Variants in AGTPBP1 observed in about 807,000 individuals in gnomAD.
AGTPBP1 encodes the protein ATP/GTP binding carboxypeptidase 1.
In AGTPBP1, 70 loss-of-function variants were observed where a neutral mutation model predicts 143.9. The observed-to-expected ratio is 0.49, with a 90% CI of 0.40 to 0.59. AGTPBP1 has a LOEUF of 0.59. Among genes scored for constraint, AGTPBP1 ranks in the 20% least tolerant of loss-of-function variants. AGTPBP1 has a pLI of 0.00. For missense variants in AGTPBP1, 1,229 were observed against 1,464.5 expected (o/e 0.84, Z 2.62); for synonymous variants, 463 against 500.2 (o/e 0.93, Z 0.99).
intron 4 of AGTPBP1, among the ~76,000 whole-genome samples, chr9:85,680,149 C>A (rs994327288): frequency 6.6e-6 from 1 of 152,176 alleles, no homozygotes; most frequent in Admixed American, 6.5e-5. Flanking sequence ...ATTACTCATG[C>A]ATAATTTCCA....
chr9:85,759,643 G>A, the AGTPBP1 span, among the ~76,000 whole-genome samples: 1 of 152,096 alleles, frequency 6.6e-6, no homozygotes, highest in Non-Finnish European at 1.5e-5. Context: ...GAAATTTACA[G>A]CACTAAATGC....
At chr9:85,603,900 A>G (rs11141033) in intron 17 of AGTPBP1, among the ~76,000 whole-genome samples, 29,308 of 151,810 alleles carry the variant, frequency 0.19, 3,661 homozygotes, top group South Asian at 0.34. Context: ...ACTCTTCTGC[A>G]TGAAAAAAAG....
At chr9:85,588,509 T>A in intron 20 of AGTPBP1, 31 bp from the exon 21 acceptor site, 1 of 1,597,070 alleles carries the variant, frequency 6.3e-7, no homozygotes, top group Non-Finnish European at 8.5e-7. Context: ...CAAATTAAAA[T>A]GAACAGCTAC....
chr9:85,596,463 A>G lies in AGTPBP1; in HGVS notation c.2336-14T>C. On this transcript the variant is annotated splice_polypyrimidine_tract_variant and intron_variant, in intron 17 of 25. Coordinates refer to ENST00000357081, the MANE Select transcript of AGTPBP1 (RefSeq NM_001330701.2). Reference sequence around the variant, plus strand: ...GTGGTTGCATACCTTTGAAAGAGAGAAAAAAAGAGAGAAAATTATTTTCAT... The same window carrying G: ...GTGGTTGCATACCTTTGAAAGAGAGGAAAAAAGAGAGAAAATTATTTTCAT... The G allele has an allele frequency of 6.7e-7, 1 of 1,495,668 alleles. No homozygotes were observed. The highest frequency in any genetic ancestry group is 9.0e-7 in the Non-Finnish European group (1 of 1,108,590). 92.6% of individuals were successfully genotyped at this position (1,495,668 alleles called of 1,614,324 possible).
intron 14 of AGTPBP1, among the ~76,000 whole-genome samples, chr9:85,621,516 A>G (rs555818781): frequency 9.1e-4 from 132 of 145,464 alleles, no homozygotes; most frequent in African/African-American, 3.5e-3. Context: ...AGCCAGCCAC[A>G]AGTCCAATCA....
At chr9:85,784,696 G>T in the AGTPBP1 span, among the ~76,000 whole-genome samples, 1 of 152,092 alleles carries the variant, frequency 6.6e-6, no homozygotes, top group African/African-American at 2.4e-5. Flanking sequence ...GCTAGTTCAG[G>T]TTATTTGATT....
intron 21 of AGTPBP1, among the ~76,000 whole-genome samples, chr9:85,587,861 C>T (rs1481390864): frequency 6.6e-6 from 1 of 152,032 alleles, no homozygotes; most frequent in Non-Finnish European, 1.5e-5. Context: ...CAGACCTCCT[C>T]ATATCAAGAA....
chr9:85,796,693 T>C, the AGTPBP1 span, among the ~76,000 whole-genome samples: 1 of 152,152 alleles, frequency 6.6e-6, no homozygotes, highest in Admixed American at 6.5e-5. Flanking sequence ...GATACCCTGT[T>C]TTACATGATG....
At chr9:85,592,162 AATC>A (rs1829010697) in intron 19 of AGTPBP1, among the ~76,000 whole-genome samples, 1 of 152,054 alleles carries the variant, frequency 6.6e-6, no homozygotes, top group South Asian at 2.1e-4. Flanking sequence ...AACATGCAGA[AATC>A]TCACCTGGTT....
At chr9:85,678,424 A>G in intron 4 of AGTPBP1, 26 bp from the exon 5 acceptor site, 3 of 1,450,842 alleles carry the variant, frequency 2.1e-6, no homozygotes, top group Non-Finnish European at 2.8e-6. Context: ...TGTTTTATTA[A>G]AACATTGTAA....
At chr9:85,758,415 C>A in the AGTPBP1 span, among the ~76,000 whole-genome samples, 1 of 152,126 alleles carries the variant, frequency 6.6e-6, no homozygotes, top group African/African-American at 2.4e-5. Flanking sequence ...GAGGCCAAGG[C>A]GGGCAGGTCA....
the AGTPBP1 span, chr9:85,753,528 T>TG: frequency 2.8e-6 from 4 of 1,437,984 alleles, no homozygotes; most frequent in Admixed American, 2.1e-5. Context: ...CTGAGGTGGG[T>TG]GGATCACCTG....
At chr9:85,760,337 T>C in the AGTPBP1 span, among the ~76,000 whole-genome samples, 1 of 152,160 alleles carries the variant, frequency 6.6e-6, no homozygotes, top group Non-Finnish European at 1.5e-5. Flanking sequence ...TTTAGACCAA[T>C]ATCCTTGATG....
At chr9:85,705,330 A>C (rs1836913070) in intron 2 of AGTPBP1, among the ~76,000 whole-genome samples, 1 of 152,002 alleles carries the variant, frequency 6.6e-6, no homozygotes, top group Non-Finnish European at 1.5e-5. Flanking sequence ...GACAGGCTAT[A>C]CACAGAAGAA....
chr9:85,669,793 A>G (rs112128413), intron 7 of AGTPBP1, among the ~76,000 whole-genome samples: 2 of 108,368 alleles, frequency 1.8e-5, no homozygotes, highest in Non-Finnish European at 3.5e-5. Context: ...AACGAGTTAT[A>G]TGCAAAAAAA....
chr9:85,644,981 G>C (rs1185182884), intron 12 of AGTPBP1, among the ~76,000 whole-genome samples: 1 of 152,100 alleles, frequency 6.6e-6, no homozygotes, highest in Admixed American at 6.5e-5. Flanking sequence ...CATAGTTCTT[G>C]AAGAAAAATT....
intron 23 of AGTPBP1, among the ~76,000 whole-genome samples, chr9:85,582,642 T>C (rs144780858): frequency 0.018 from 2,789 of 151,920 alleles, 92 homozygotes; most frequent in African/African-American, 0.064. Flanking sequence ...ATCGTGCCAC[T>C]ACACTCCGGC....
At chr9:85,634,270 G>A (rs1002704693) in intron 13 of AGTPBP1, among the ~76,000 whole-genome samples, 22 of 151,650 alleles carry the variant, frequency 1.5e-4, no homozygotes, top group African/African-American at 5.3e-4. Flanking sequence ...AGAGAGCAGA[G>A]GTAGGTGGCA....
At chr9:85,588,873 CCT>C (rs1183908397) in intron 20 of AGTPBP1, among the ~76,000 whole-genome samples, 3 of 151,522 alleles carry the variant, frequency 2.0e-5, no homozygotes. Context: ...TAATTTTAGC[CCT>C]GTCTTACAGT....
Sources: allele counts gnomAD v4.1 joint callset (sites outside exome capture counted in the v4.1 genomes callset), GRCh38; gene constraint gnomAD v4.1.1; transcripts MANE v1.5; gene names NCBI Gene and HGNC (gene_info 2026-07-23, HGNC 2026-07-21).